SLC15A4: variants seen among roughly 807,000 people sequenced by gnomAD.
SLC15A4 encodes solute carrier family 15 member 4.
SLC15A4 carries 26 observed loss-of-function variants against 46.1 expected under a neutral mutation model. The observed-to-expected ratio is 0.56, with a 90% CI of 0.41 to 0.78. SLC15A4 has a LOEUF of 0.78. Ranked by LOEUF, SLC15A4 falls within the 30% of genes least tolerant of loss-of-function variation. The probability of loss-of-function intolerance (pLI) is 0.00; values close to 1 mark genes in which losing one functional copy is unlikely to be tolerated. For synonymous variants in SLC15A4, 370 were observed against 333.4 expected (o/e 1.11, Z -1.20); for missense variants, 751 against 755.7 (o/e 0.99, Z 0.07).
intron 5 of SLC15A4, among the ~76,000 whole-genome samples, chr12:128,806,855 T>G (rs1341368825): frequency 6.7e-6 from 1 of 149,784 alleles, no homozygotes; most frequent in African/African-American, 2.5e-5. Context: ...GCTGCCTGAC[T>G]CCAGTCAGTA....
chr12:128,803,771 G>A (rs1355663229), intron 5 of SLC15A4, among the ~76,000 whole-genome samples: 2 of 152,136 alleles, frequency 1.3e-5, no homozygotes, highest in Non-Finnish European at 2.9e-5. Flanking sequence ...TAGAAAGCGA[G>A]GCCCCAGACC....
chr12:128,794,434 G>GT (rs767570605), intron 7 of SLC15A4, 78 bp from the exon 8 acceptor site: 31 of 1,402,450 alleles, frequency 2.2e-5, no homozygotes, highest in Admixed American at 9.1e-5. Context: ...ATTTAATCTG[G>GT]TTCCCACTAA....
At chr12:128,800,827 G>C (rs372206660) in intron 6 of SLC15A4, 27 bp downstream of exon 6, 5 of 1,591,544 alleles carry the variant, frequency 3.1e-6, no homozygotes, top group Non-Finnish European at 8.6e-7. Flanking sequence ...CCTGGACTCA[G>C]ACACCTCCGG....
intron 1 of SLC15A4, chr12:128,815,384 T>C (rs1050800604): frequency 3.5e-6 from 1 of 282,172 alleles, no homozygotes; most frequent in African/African-American, 2.2e-5. Context: ...TTACCTGGAA[T>C]GCTCTTTAAA....
chr12:128,808,863 G>C lies in SLC15A4; in HGVS notation c.1183C>G (p.His395Asp), dbSNP rs747225998. ...TTCAGGGAGGATGGGAGCAGGCCAT[G>C]TCTTCTCAAAATGGGATCGACCAGT... ...DKLVDPILRR[H>D]GLLPSSLKRI... Residue 395 changes from histidine (H) to aspartate (D), a missense_variant, in exon 5 of 8, where the codon CAT (histidine) becomes GAT (aspartate). His to Asp is a moderately conservative substitution (Grantham distance 81). Coordinates refer to ENST00000266771, the MANE Select transcript of SLC15A4 (RefSeq NM_145648.4). 2 of 1,614,166 alleles carry C rather than the reference G, an allele frequency of 1.2e-6. No homozygotes were observed. Among genetic ancestry groups the C allele is most frequent in the Admixed American group, 3.3e-5 (2 of 60,030 alleles).
At chr12:128,810,408 G>A (rs1171721773) in intron 2 of SLC15A4, 2 of 341,128 alleles carry the variant, frequency 5.9e-6, no homozygotes, top group East Asian at 6.9e-5. Context: ...TGAGCTGAGA[G>A]CCCCAGCGCA....
chr12:128,812,505 G>C (rs1955671295), intron 2 of SLC15A4, among the ~76,000 whole-genome samples: 2 of 152,140 alleles, frequency 1.3e-5, no homozygotes. Context: ...ATTTTTAGTA[G>C]ACGGGGTTTC....
chr12:128,795,873 GA>G (rs1202030311), intron 7 of SLC15A4, among the ~76,000 whole-genome samples: 6 of 152,218 alleles, frequency 3.9e-5, no homozygotes, highest in African/African-American at 1.4e-4. Context: ...CCACCAGCTG[GA>G]AAGCACTGCT....
chr12:128,812,757 C>A (rs1020812394), intron 2 of SLC15A4, among the ~76,000 whole-genome samples: 4 of 152,202 alleles, frequency 2.6e-5, no homozygotes, highest in African/African-American at 9.6e-5. Flanking sequence ...ATGAATCCAT[C>A]TCCGCTGTAA....
intron 1 of SLC15A4, among the ~76,000 whole-genome samples, chr12:128,818,573 G>C (rs758652960): frequency 2.0e-5 from 3 of 152,322 alleles, no homozygotes; most frequent in African/African-American, 4.8e-5. Flanking sequence ...ACCTGGTCAC[G>C]GGCAAGCACC....
intron 6 of SLC15A4, among the ~76,000 whole-genome samples, chr12:128,800,252 T>C (rs1381194632): frequency 6.6e-6 from 1 of 152,234 alleles, no homozygotes; most frequent in Non-Finnish European, 1.5e-5. Context: ...CGTTGTGATT[T>C]ATTCCCTTTA....
At chr12:128,814,233 C>CTGTATGATGGA (rs1955709558) in intron 2 of SLC15A4, 1 of 209,474 alleles carries the variant, frequency 4.8e-6, no homozygotes. Flanking sequence ...GACCTGACCG[C>CTGTATGATGGA]CGTATGATGG....
intron 7 of SLC15A4, among the ~76,000 whole-genome samples, chr12:128,796,923 C>T (rs542645633): frequency 2.6e-5 from 4 of 152,198 alleles, no homozygotes; most frequent in Non-Finnish European, 4.4e-5. Flanking sequence ...AGTGGAGGTG[C>T]GGTCCAAGCC....
In SLC15A4 at chr12:128,808,821, T is replaced by G; in HGVS notation, c.1225A>C (p.Met409Leu). The G allele has an allele frequency of 1.2e-6, 2 of 1,614,162 alleles. No individual in the cohort carries two copies. The highest frequency in any genetic ancestry group is 1.7e-6 in the Non-Finnish European group (2 of 1,180,026). ...AAGGCCGAGCACATGACAAAGAACA[T>G]GCCCACGGCGATCCTCTTCAGGGAG... ...PSSLKRIAVG[M>L]FFVMCSAFAA... The change falls in exon 5 of 8, where the codon ATG (methionine) becomes CTG (leucine). Residue 409 changes from methionine (M) to leucine (L), a missense_variant. Met to Leu is a conservative substitution (Grantham distance 15). Coordinates refer to ENST00000266771, the MANE Select transcript of SLC15A4 (RefSeq NM_145648.4).
chr12:128,809,605 T>C (rs762483478), intron 3 of SLC15A4, 132 bp from the exon 4 acceptor site: 2 of 631,224 alleles, frequency 3.2e-6, no homozygotes, highest in Non-Finnish European at 5.6e-6. Context: ...ATGGCTCAAG[T>C]TTGAAAACAG....
At chr12:128,814,487 T>G in intron 2 of SLC15A4, 1 of 367,542 alleles carries the variant, frequency 2.7e-6, no homozygotes, top group Non-Finnish European at 4.9e-6. Context: ...ATTTCTACCT[T>G]TATAATCTGG....
chr12:128,822,573 A>G lies in SLC15A4; in HGVS notation c.546+825T>C, dbSNP rs555085053. Reference sequence around the variant, plus strand: ...TATTTATTTATTTTTATTTGGAGACAGAGTCTCGCTCTGTCGCTCAGGCTG... The same window carrying G: ...TATTTATTTATTTTTATTTGGAGACGGAGTCTCGCTCTGTCGCTCAGGCTG... On this transcript the variant is annotated intron_variant, in intron 1 of 7. Coordinates refer to ENST00000266771, the MANE Select transcript of SLC15A4 (RefSeq NM_145648.4). Among the ~76,000 whole-genome samples, 86 of 152,190 alleles carry G rather than the reference A, an allele frequency of 5.7e-4. 1 individual carries two copies. The South Asian group carries it at 0.018, about 31-fold the overall frequency.
At chr12:128,797,238 C>T (rs184703942) in intron 7 of SLC15A4, among the ~76,000 whole-genome samples, 76 of 152,030 alleles carry the variant, frequency 5.0e-4, no homozygotes, top group Middle Eastern at 3.4e-3. Flanking sequence ...ATAAATGCCT[C>T]GTGACGGCTC....
At chr12:128,821,616 C>T (rs1323374349) in intron 1 of SLC15A4, among the ~76,000 whole-genome samples, 3 of 152,248 alleles carry the variant, frequency 2.0e-5, no homozygotes, top group Admixed American at 6.5e-5. Flanking sequence ...AGCTGGGCGC[C>T]GTGGCTCATG....
Sources: allele counts gnomAD v4.1 joint callset (sites outside exome capture counted in the v4.1 genomes callset), GRCh38; gene constraint gnomAD v4.1.1; transcripts MANE v1.5; gene names NCBI Gene and HGNC (gene_info 2026-07-23, HGNC 2026-07-21).